KLHL29: variants seen among roughly 807,000 people sequenced by gnomAD.
KLHL29 encodes kelch-like protein 29.
Under a neutral mutation model 80.4 loss-of-function variants are expected in KLHL29, and 21 were observed. That is an observed-to-expected ratio of 0.26 (90% CI 0.19 to 0.38). KLHL29 has a LOEUF of 0.38. Among genes scored for constraint, KLHL29 ranks in the 10% least tolerant of loss-of-function variants. The probability of loss-of-function intolerance (pLI) is 1.00; values close to 1 mark genes in which losing one functional copy is unlikely to be tolerated. For synonymous variants in KLHL29, 511 were observed against 526.8 expected (o/e 0.97, Z 0.41); for missense variants, 867 against 1,223.9 (o/e 0.71, Z 4.35).
chr2:23,687,985 C>T (rs1671350569), intron 6 of KLHL29, among the ~76,000 whole-genome samples: 1 of 152,130 alleles, frequency 6.6e-6, no homozygotes. Flanking sequence ...TTGGCTGCCC[C>T]CCATGGCCAT....
At chr2:23,434,530 C>G (rs1263930157) in intron 1 of KLHL29, among the ~76,000 whole-genome samples, 2 of 152,030 alleles carry the variant, frequency 1.3e-5, no homozygotes, top group Non-Finnish European at 2.9e-5. Flanking sequence ...ACAGTTCCAT[C>G]GTGGATGGAA....
chr2:23,587,831 T>G (rs1668157705), intron 3 of KLHL29, among the ~76,000 whole-genome samples: 1 of 152,178 alleles, frequency 6.6e-6, no homozygotes, highest in Non-Finnish European at 1.5e-5. Flanking sequence ...TCCTTCTCAT[T>G]CTTGCTCCTC....
At chr2:23,435,516 G>A (rs1054735581) in intron 1 of KLHL29, among the ~76,000 whole-genome samples, 10 of 152,200 alleles carry the variant, frequency 6.6e-5, no homozygotes, top group Admixed American at 6.5e-5. Context: ...CACAGGGCTG[G>A]GGAATGGTTT....
intron 1 of KLHL29, among the ~76,000 whole-genome samples, chr2:23,390,854 A>G (rs1226527598): frequency 6.6e-6 from 1 of 151,946 alleles, no homozygotes; most frequent in Non-Finnish European, 1.5e-5. Flanking sequence ...GGGTTTCACC[A>G]TGTTGGCCAG....
intron 2 of KLHL29, among the ~76,000 whole-genome samples, chr2:23,559,498 G>T (rs976156628): frequency 6.6e-6 from 1 of 152,086 alleles, no homozygotes; most frequent in Non-Finnish European, 1.5e-5. Flanking sequence ...ATGGAAGGTC[G>T]TGGCTGCAGA....
chr2:23,458,170 C>A (rs534972788), intron 1 of KLHL29, among the ~76,000 whole-genome samples: 1 of 152,334 alleles, frequency 6.6e-6, no homozygotes, highest in African/African-American at 2.4e-5. Flanking sequence ...ACTTACTCAG[C>A]AGACACCAGG....
At chr2:23,510,293 G>A (rs763494309) in intron 2 of KLHL29, among the ~76,000 whole-genome samples, 1 of 152,170 alleles carries the variant, frequency 6.6e-6, no homozygotes, top group Non-Finnish European at 1.5e-5. Context: ...ATGACTGGGG[G>A]CACCAGGGCC....
At chr2:23,467,419 G>A (rs1664381804) in intron 1 of KLHL29, among the ~76,000 whole-genome samples, 1 of 152,318 alleles carries the variant, frequency 6.6e-6, no homozygotes, top group Middle Eastern at 3.4e-3. Context: ...TTCTGCCTGT[G>A]TATGGAGAAA....
At chr2:23,471,258 G>A (rs942033143) in intron 1 of KLHL29, among the ~76,000 whole-genome samples, 12 of 152,296 alleles carry the variant, frequency 7.9e-5, no homozygotes, top group Admixed American at 3.9e-4. Context: ...TTCTGATGCT[G>A]TGTCAAACTG....
At chr2:23,511,688 G>A (rs1336462044) in intron 2 of KLHL29, among the ~76,000 whole-genome samples, 1 of 152,228 alleles carries the variant, frequency 6.6e-6, no homozygotes, top group African/African-American at 2.4e-5. Flanking sequence ...TGAAATTCCT[G>A]TTTGCTGTCT....
intron 3 of KLHL29, among the ~76,000 whole-genome samples, chr2:23,619,343 T>C (rs1669108477): frequency 6.6e-6 from 1 of 152,096 alleles, no homozygotes; most frequent in African/African-American, 2.4e-5. Context: ...CCTGGGCCGC[T>C]GGGGAAATTT....
chr2:23,401,059 A>G (rs1666587932), intron 1 of KLHL29, among the ~76,000 whole-genome samples: 1 of 152,198 alleles, frequency 6.6e-6, no homozygotes, highest in Non-Finnish European at 1.5e-5. Flanking sequence ...GGACAAATTT[A>G]TCCGTGTGAA....
chr2:23,588,852 G>A (rs1333365672), intron 3 of KLHL29, among the ~76,000 whole-genome samples: 1 of 152,130 alleles, frequency 6.6e-6, no homozygotes, highest in African/African-American at 2.4e-5. Context: ...CTCACCCAGA[G>A]CTCTCCGGTT....
chr2:23,672,633 C>T (rs937996342), intron 5 of KLHL29: 4 of 152,600 alleles, frequency 2.6e-5, no homozygotes, highest in African/African-American at 9.7e-5. Flanking sequence ...TCCAGCTCCT[C>T]ACTGTGGGCA....
chr2:23,456,354 A>G (rs758189277), intron 1 of KLHL29, among the ~76,000 whole-genome samples: 5 of 152,236 alleles, frequency 3.3e-5, no homozygotes, highest in Non-Finnish European at 7.3e-5. Context: ...CAGAACCCCC[A>G]GCATGCTCCC....
chr2:23,599,124 C>T (rs887213307), intron 3 of KLHL29, among the ~76,000 whole-genome samples: 3 of 152,200 alleles, frequency 2.0e-5, no homozygotes, highest in African/African-American at 7.2e-5. Flanking sequence ...TTCTCAACCT[C>T]AGAGGATGAT....
intron 2 of KLHL29, among the ~76,000 whole-genome samples, chr2:23,536,559 T>A (rs950825422): frequency 6.6e-6 from 1 of 152,170 alleles, no homozygotes; most frequent in Non-Finnish European, 1.5e-5. Flanking sequence ...CCCATCAAAC[T>A]CACAGGCAAC....
chr2:23,648,342 T>A (rs926091041), intron 5 of KLHL29, among the ~76,000 whole-genome samples: 3 of 152,124 alleles, frequency 2.0e-5, no homozygotes, highest in Non-Finnish European at 1.5e-5. Flanking sequence ...CATGCAGGAA[T>A]CACTATAAAA....
Position 23,606,063 on chromosome 2 carries a change from C to A in KLHL29, c.286-33076C>A, listed in dbSNP as rs181356629. Among the ~76,000 whole-genome samples the A allele has an allele frequency of 2.2e-3, 329 of 152,092 alleles. 2 individuals carry two copies. The highest frequency in any genetic ancestry group is 6.8e-3 in the Middle Eastern group (2 of 294). ...GGATTACAGGTGTGAGCCATGGTGCCCAGCCAAGGGAAAACCTGTCTTAAA... is the reference window on the plus strand; with the variant it reads ...GGATTACAGGTGTGAGCCATGGTGCACAGCCAAGGGAAAACCTGTCTTAAA... On this transcript the variant is annotated intron_variant, in intron 3 of 13. Coordinates refer to ENST00000486442, the MANE Select transcript of KLHL29 (RefSeq NM_052920.2).
Sources: gnomAD v4.1 joint callset for allele counts (sites outside exome capture counted in the v4.1 genomes callset) on GRCh38, gnomAD v4.1.1 for gene constraint, MANE v1.5 for transcripts, NCBI Gene and HGNC (gene_info 2026-07-23, HGNC 2026-07-21) for gene names.